CTNNA3: variants seen among roughly 807,000 people sequenced by gnomAD.
CTNNA3 encodes the protein catenin alpha-3.
A neutral mutation model predicts 95.7 loss-of-function variants in CTNNA3; 76 were observed. The ratio of observed to expected loss-of-function variants is 0.79; its 90% CI spans 0.66 to 0.96. The LOEUF is 0.96. CTNNA3 is among the 40% of genes least tolerant of loss of function. The probability of loss-of-function intolerance (pLI) is 0.00; values close to 1 mark genes in which losing one functional copy is unlikely to be tolerated. For synonymous variants in CTNNA3, 431 were observed against 374.4 expected (o/e 1.15, Z -1.74); for missense variants, 1,191 against 1,089.8 (o/e 1.09, Z -1.31).
chr10:67,169,592 T>C (rs896118867), intron 7 of CTNNA3, among the ~76,000 whole-genome samples: 10 of 152,076 alleles, frequency 6.6e-5, no homozygotes, highest in African/African-American at 2.2e-4. Flanking sequence ...GACGATTGAC[T>C]CTGGACCCCT....
intron 1 of CTNNA3, among the ~76,000 whole-genome samples, chr10:67,652,481 C>T (rs756636091): frequency 6.6e-6 from 1 of 152,158 alleles, no homozygotes; most frequent in South Asian, 2.1e-4. Context: ...CTTTCATCAT[C>T]TAGAGTTTCA....
chr10:66,156,634 C>T (rs1023587287), intron 13 of CTNNA3, among the ~76,000 whole-genome samples: 1 of 151,154 alleles, frequency 6.6e-6, no homozygotes, highest in African/African-American at 2.4e-5. Context: ...GAAAAAAAAA[C>T]AGTAGTGAAC....
intron 13 of CTNNA3, among the ~76,000 whole-genome samples, chr10:66,231,480 G>T (rs2089587564): frequency 6.6e-6 from 1 of 152,196 alleles, no homozygotes; most frequent in South Asian, 2.1e-4. Context: ...GGGGAAGGGG[G>T]AATCCTTCCA....
chr10:66,898,148 T>C (rs1207303640), intron 7 of CTNNA3, among the ~76,000 whole-genome samples: 4 of 152,204 alleles, frequency 2.6e-5, no homozygotes, highest in Non-Finnish European at 4.4e-5. Context: ...ACAAAATCTA[T>C]GCAGTCATAA....
intron 9 of CTNNA3, among the ~76,000 whole-genome samples, chr10:66,691,623 G>A (rs538375539): frequency 3.3e-4 from 50 of 152,290 alleles, no homozygotes; most frequent in African/African-American, 1.1e-3. Flanking sequence ...ATCCCAGCAC[G>A]CAGCTGGAGA....
At chr10:67,749,135 T>C (rs1043541432) in intron 1 of CTNNA3, among the ~76,000 whole-genome samples, 4 of 152,140 alleles carry the variant, frequency 2.6e-5, no homozygotes, top group African/African-American at 9.7e-5. Context: ...TATTTATGCA[T>C]ATATTTATGA....
chr10:66,952,262 G>A (rs942783), intron 7 of CTNNA3, among the ~76,000 whole-genome samples: 147,010 of 152,246 alleles, frequency 0.97, 71,192 homozygotes, highest in East Asian at 1. Context: ...GCAGGGGACA[G>A]AGCTTCCCAG....
intron 13 of CTNNA3, among the ~76,000 whole-genome samples, chr10:66,174,417 A>C (rs1346729303): frequency 6.6e-6 from 1 of 152,154 alleles, no homozygotes; most frequent in Admixed American, 6.6e-5. Context: ...TATGATTATT[A>C]TCAAGATTTA....
In CTNNA3 at chr10:66,478,973, T is replaced by A. The variant is rs1020095730; in HGVS notation, c.1531+41644A>T. On this transcript the variant is annotated intron_variant, in intron 11 of 17. Transcript: ENST00000433211. ...TAATTCTTATGTCTGGTTAAGAAAT[T>A]TTTTTCCTAACCCAAGGTCATAAAG... Among the ~76,000 whole-genome samples, 11 of 151,932 alleles carry A rather than the reference T, an allele frequency of 7.2e-5. 1 individual carries two copies. The highest frequency in any genetic ancestry group is 2.6e-4 in the Admixed American group (4 of 15,254).
chr10:66,260,955 C>T lies in CTNNA3; in HGVS notation c.1884+19515G>A, dbSNP rs144814290. On this transcript the variant is annotated intron_variant, in intron 13 of 17. Transcript: ENST00000433211. Reference sequence around the variant, plus strand: ...GCCAAGACAAAAGTACCTGAGTCTTCACCCTGTTGGAACAGTGTATATCAG... The same window carrying T: ...GCCAAGACAAAAGTACCTGAGTCTTTACCCTGTTGGAACAGTGTATATCAG... Among the ~76,000 whole-genome samples the T allele has an allele frequency of 1.1e-3, 167 of 152,198 alleles. 1 individual carries two copies. The highest frequency in any genetic ancestry group is 3.8e-3 in the African/African-American group (156 of 41,562).
intron 7 of CTNNA3, among the ~76,000 whole-genome samples, chr10:66,875,196 G>C (rs759046947): frequency 6.6e-6 from 1 of 152,092 alleles, no homozygotes; most frequent in Non-Finnish European, 1.5e-5. Flanking sequence ...TGTGGGAGAA[G>C]TTTCGTGTGG....
intron 3 of CTNNA3, among the ~76,000 whole-genome samples, chr10:67,601,291 A>G (rs1405859407): frequency 6.6e-6 from 1 of 152,138 alleles, no homozygotes; most frequent in Non-Finnish European, 1.5e-5. Context: ...GATGGGGGGA[A>G]TGGGGATGGT....
At chr10:67,250,870 T>G (rs1012528913) in intron 5 of CTNNA3, among the ~76,000 whole-genome samples, 2 of 152,180 alleles carry the variant, frequency 1.3e-5, no homozygotes, top group African/African-American at 4.8e-5. Context: ...TTTCACTCAT[T>G]TCTAGGCTGA....
intron 7 of CTNNA3, among the ~76,000 whole-genome samples, chr10:67,059,537 C>T (rs1003794605): frequency 4.6e-5 from 7 of 152,058 alleles, no homozygotes; most frequent in South Asian, 2.1e-4. Flanking sequence ...GATGATATGT[C>T]GTCAAAGTAT....
intron 9 of CTNNA3, among the ~76,000 whole-genome samples, chr10:66,651,803 C>T (rs867976494): frequency 9.9e-5 from 15 of 151,996 alleles, no homozygotes; most frequent in South Asian, 4.2e-4. Context: ...CCGCATTGGC[C>T]GGTTCCCACC....
intron 8 of CTNNA3, among the ~76,000 whole-genome samples, chr10:66,774,557 G>A (rs1840218096): frequency 3.9e-5 from 2 of 51,640 alleles, no homozygotes; most frequent in African/African-American, 2.3e-4. Flanking sequence ...ATTATTAACT[G>A]GCTGGAGATC....
At chr10:67,551,655 G>A (rs1265518191) in intron 3 of CTNNA3, among the ~76,000 whole-genome samples, 2 of 152,142 alleles carry the variant, frequency 1.3e-5, no homozygotes, top group Non-Finnish European at 2.9e-5. Flanking sequence ...TGGGGTTGGA[G>A]CCCCACAGCC....
chr10:67,120,522 T>A (rs1027087392), intron 7 of CTNNA3, among the ~76,000 whole-genome samples: 2 of 152,020 alleles, frequency 1.3e-5, no homozygotes, highest in Non-Finnish European at 2.9e-5. Flanking sequence ...CAAGAAGTTA[T>A]GTGGCATTTG....
rs2078861830 is a variant in CTNNA3 at position 66,005,556 on chromosome 10, C to A, written c.2160-16759G>T. 3.9e-5 allele frequency among the ~76,000 whole-genome samples: 6 copies of A among 152,166 alleles called. No homozygotes were observed. In the South Asian group the frequency reaches 1.2e-3, roughly 32 times the overall value. On this transcript the variant is annotated intron_variant, in intron 15 of 17. Transcript: ENST00000433211. The stretch of plus-strand genomic sequence containing the variant: ...TGGGTGGCCTGGAAAAATTTGGAGA[C>A]CTGAGAGAACCAGAATTACCTGGGA...
Sources: allele counts gnomAD v4.1 joint callset (sites outside exome capture counted in the v4.1 genomes callset), GRCh38; gene constraint gnomAD v4.1.1; transcripts MANE v1.5; gene names NCBI Gene and HGNC (gene_info 2026-07-23, HGNC 2026-07-21).